The following EEFSEC variants were observed in gnomAD, a reference collection of about 807,000 sequenced individuals.
The protein encoded by EEFSEC is selenocysteine-specific elongation factor.
A neutral mutation model predicts 42.1 loss-of-function variants in EEFSEC; 43 were observed. The ratio of observed to expected loss-of-function variants is 1.02; its 90% CI spans 0.80 to 1.32. The LOEUF (loss-of-function observed/expected upper bound fraction) is 1.32. EEFSEC is among the 40% of genes most tolerant of loss of function. The pLI, the probability that EEFSEC is intolerant of heterozygous loss-of-function variation, is 0.00. For synonymous variants in EEFSEC, 354 were observed against 339.1 expected, an observed-to-expected ratio of 1.04 and a Z score of -0.48; for missense variants, 745 against 803.6, an observed-to-expected ratio of 0.93 and a Z score of 0.88.
chr3:128,162,429 T>A (rs3946473), intron 1 of EEFSEC, among the ~76,000 whole-genome samples: 1 of 152,234 alleles, frequency 6.6e-6, no homozygotes, highest in Non-Finnish European at 1.5e-5. Flanking sequence ...TTTTGCCTGG[T>A]ACCTTATTGC....
intron 4 of EEFSEC, among the ~76,000 whole-genome samples, chr3:128,334,939 C>A (rs1291163569): frequency 1.3e-5 from 2 of 152,238 alleles, no homozygotes; most frequent in Non-Finnish European, 2.9e-5. Context: ...CCGCCTGGGA[C>A]ACTGGGGGCC....
chr3:128,331,404 C>T (rs1413142179), intron 4 of EEFSEC, among the ~76,000 whole-genome samples: 5 of 120,830 alleles, frequency 4.1e-5, no homozygotes, highest in Non-Finnish European at 8.7e-5. Context: ...TTCCCCCCTT[C>T]CTAAATGCAT....
chr3:128,200,703 A>G (rs2065634793), intron 1 of EEFSEC, among the ~76,000 whole-genome samples: 1 of 152,240 alleles, frequency 6.6e-6, no homozygotes, highest in African/African-American at 2.4e-5. Context: ...GCAGTATGGA[A>G]TTGGGCAAAA....
chr3:128,272,544 T>C (rs974635570), intron 4 of EEFSEC, among the ~76,000 whole-genome samples: 7 of 152,150 alleles, frequency 4.6e-5, no homozygotes, highest in African/African-American at 1.7e-4. Context: ...GGCTGCTGTG[T>C]GTCTGCCCCG....
At chr3:128,174,003 G>T (rs1287687309) in intron 1 of EEFSEC, among the ~76,000 whole-genome samples, 1 of 152,214 alleles carries the variant, frequency 6.6e-6, no homozygotes, top group Non-Finnish European at 1.5e-5. Context: ...GAGAGGAATG[G>T]TGGGGACCCA....
chr3:128,196,842 G>A (rs2065589781), intron 1 of EEFSEC, among the ~76,000 whole-genome samples: 1 of 152,202 alleles, frequency 6.6e-6, no homozygotes, highest in Admixed American at 6.5e-5. Flanking sequence ...ACCTCAAAGA[G>A]CCTCGCACAG....
intron 1 of EEFSEC, among the ~76,000 whole-genome samples, chr3:128,235,804 T>C (rs1474812045): frequency 6.6e-6 from 1 of 152,234 alleles, no homozygotes; most frequent in African/African-American, 2.4e-5. Context: ...AGTGTCCACA[T>C]ATGTGCCCCA....
chr3:128,336,396 G>T lies in EEFSEC; in HGVS notation c.787-4837G>T, dbSNP rs145967515. Among the ~76,000 whole-genome samples, 631 of 152,218 alleles carry T rather than the reference G, an allele frequency of 4.1e-3. 10 individuals carry two copies. The highest frequency in any genetic ancestry group is 0.016 in the Admixed American group (242 of 15,302). On this transcript the variant is annotated intron_variant, in intron 4 of 6. Coordinates refer to ENST00000254730, the MANE Select transcript of EEFSEC (RefSeq NM_021937.5). ...ATTCCCCAAACTGTATAGCCAGTTTGCATCTTTTAAAACCGCAAACTGGCA... is the reference window on the plus strand; with the variant it reads ...ATTCCCCAAACTGTATAGCCAGTTTTCATCTTTTAAAACCGCAAACTGGCA...
chr3:128,284,130 C>G (rs1219936081), intron 4 of EEFSEC, among the ~76,000 whole-genome samples: 2 of 152,206 alleles, frequency 1.3e-5, no homozygotes, highest in Admixed American at 1.3e-4. Flanking sequence ...CTCCACCCCC[C>G]ACACAACCTG....
At chr3:128,199,618 A>G (rs1377605047) in intron 1 of EEFSEC, among the ~76,000 whole-genome samples, 1 of 152,154 alleles carries the variant, frequency 6.6e-6, no homozygotes, top group African/African-American at 2.4e-5. Flanking sequence ...CACCTTGTAG[A>G]AGTGTTTCTG....
intron 1 of EEFSEC, among the ~76,000 whole-genome samples, chr3:128,157,975 G>C (rs1163140413): frequency 6.6e-6 from 1 of 152,204 alleles, no homozygotes. Flanking sequence ...TATCATTCTA[G>C]ATGCCATAAA....
At chr3:128,177,393 A>ACCCCCC (rs1559855853) in intron 1 of EEFSEC, among the ~76,000 whole-genome samples, 2 of 133,856 alleles carry the variant, frequency 1.5e-5, no homozygotes, top group African/African-American at 2.8e-5. Flanking sequence ...AAATAGTGAC[A>ACCCCCC]CCACCCCCAC....
At chr3:128,177,717 A>G (rs778507191) in intron 1 of EEFSEC, among the ~76,000 whole-genome samples, 4 of 152,204 alleles carry the variant, frequency 2.6e-5, no homozygotes, top group Non-Finnish European at 5.9e-5. Context: ...TTGTTGCGGC[A>G]TAGATTGCTT....
intron 2 of EEFSEC, among the ~76,000 whole-genome samples, chr3:128,251,512 A>G (rs2066186649): frequency 6.6e-6 from 1 of 152,238 alleles, no homozygotes; most frequent in African/African-American, 2.4e-5. Flanking sequence ...TAGAAATGGT[A>G]ACTTAGTAGA....
intron 4 of EEFSEC, among the ~76,000 whole-genome samples, chr3:128,269,801 C>G (rs1399583748): frequency 6.6e-6 from 1 of 152,238 alleles, no homozygotes; most frequent in Non-Finnish European, 1.5e-5. Context: ...GAATCACCAG[C>G]TTTCTGCTGA....
At chr3:128,335,894 T>G (rs2067184739) in intron 4 of EEFSEC, among the ~76,000 whole-genome samples, 1 of 152,188 alleles carries the variant, frequency 6.6e-6, no homozygotes, top group Non-Finnish European at 1.5e-5. Context: ...AGAGTCCAGG[T>G]GGGTGGAAGC....
chr3:128,205,921 C>A (rs2065692297), intron 1 of EEFSEC, among the ~76,000 whole-genome samples: 2 of 152,122 alleles, frequency 1.3e-5, no homozygotes, highest in South Asian at 4.1e-4. Flanking sequence ...ATTGACAGTA[C>A]AGCATTTTGG....
intron 1 of EEFSEC, among the ~76,000 whole-genome samples, chr3:128,236,757 C>T (rs2066015215): frequency 6.6e-6 from 1 of 152,212 alleles, no homozygotes; most frequent in African/African-American, 2.4e-5. Flanking sequence ...TGAGTCTGTG[C>T]CCAGATAGCT....
chr3:128,274,946 CTG>C (rs1464702929), intron 4 of EEFSEC, among the ~76,000 whole-genome samples: 2 of 152,222 alleles, frequency 1.3e-5, no homozygotes, highest in Non-Finnish European at 2.9e-5. Context: ...CAAGGGGAAA[CTG>C]TGACTCAGGC....
Sources: allele counts gnomAD v4.1 joint callset (sites outside exome capture counted in the v4.1 genomes callset), GRCh38; gene constraint gnomAD v4.1.1; transcripts MANE v1.5; gene names NCBI Gene and HGNC (gene_info 2026-07-23, HGNC 2026-07-21).